Variants in RALYL observed in about 807,000 individuals in gnomAD.
RALYL encodes RALY RNA binding protein like.
RALYL carries 29 observed loss-of-function variants against 35.1 expected under a neutral mutation model. That is an observed-to-expected ratio of 0.83 (90% CI 0.61 to 1.13). The LOEUF is 1.13. RALYL is among the 50% of genes most tolerant of loss of function. The pLI, the probability that RALYL is intolerant of heterozygous loss-of-function variation, is 0.00. For missense variants in RALYL, 359 were observed against 360.4 expected (o/e 1.00, Z 0.03); for synonymous variants, 120 against 127.6 (o/e 0.94, Z 0.40).
intron 2 of RALYL, among the ~76,000 whole-genome samples, chr8:84,699,056 A>G (rs987599670): frequency 6.7e-6 from 1 of 149,702 alleles, no homozygotes; most frequent in Non-Finnish European, 1.5e-5. Context: ...ATAGATAGAT[A>G]GGATAAATAG....
chr8:84,557,484 A>C (rs2061207762), intron 2 of RALYL, among the ~76,000 whole-genome samples: 1 of 152,212 alleles, frequency 6.6e-6, no homozygotes, highest in South Asian at 2.1e-4. Flanking sequence ...CTTTTATATC[A>C]TTGATTACTT....
At chr8:84,521,760 A>G (rs1763035305) in intron 1 of RALYL, among the ~76,000 whole-genome samples, 1 of 152,178 alleles carries the variant, frequency 6.6e-6, no homozygotes, top group Non-Finnish European at 1.5e-5. Context: ...TTGATTTCCA[A>G]TTTTGTAGTT....
At chr8:84,276,545 T>C (rs539699606) in intron 1 of RALYL, among the ~76,000 whole-genome samples, 2 of 152,288 alleles carry the variant, frequency 1.3e-5, no homozygotes, top group African/African-American at 2.4e-5. Flanking sequence ...AGAAGCAAAG[T>C]TGAAAATAGG....
chr8:84,619,193 G>A (rs534959451), intron 2 of RALYL, among the ~76,000 whole-genome samples: 4 of 151,682 alleles, frequency 2.6e-5, no homozygotes, highest in African/African-American at 9.8e-5. Context: ...TGACAGTGGG[G>A]TGTTAAAGTC....
intron 2 of RALYL, among the ~76,000 whole-genome samples, chr8:84,650,907 T>C (rs1432090491): frequency 6.6e-6 from 1 of 152,128 alleles, no homozygotes; most frequent in Non-Finnish European, 1.5e-5. Context: ...AATGATGAGT[T>C]CGTGTCCTTT....
intron 2 of RALYL, among the ~76,000 whole-genome samples, chr8:84,615,589 TTTTTTTTTTTTA>T (rs1819357742): frequency 6.9e-6 from 1 of 145,610 alleles, no homozygotes; most frequent in Non-Finnish European, 1.5e-5. Context: ...TTTTTTTTTT[TTTTTTTTTTTTA>T]CTTATTATTA....
At chr8:84,227,888 T>C (rs116791466) in intron 1 of RALYL, among the ~76,000 whole-genome samples, 2,691 of 152,276 alleles carry the variant, frequency 0.018, 91 homozygotes, top group African/African-American at 0.06. Flanking sequence ...ATTTATGTAT[T>C]CATTTACCAA....
chr8:84,732,768 C>T (rs901005075), intron 2 of RALYL, among the ~76,000 whole-genome samples: 1 of 151,186 alleles, frequency 6.6e-6, no homozygotes, highest in South Asian at 2.1e-4. Flanking sequence ...GCTATCTTGG[C>T]TCACTGCAGC....
At chr8:84,395,924 G>A (rs895548026) in intron 1 of RALYL, among the ~76,000 whole-genome samples, 3 of 151,842 alleles carry the variant, frequency 2.0e-5, no homozygotes, top group African/African-American at 7.2e-5. Flanking sequence ...CTTGCTTCTA[G>A]GATAAGAATG....
At chr8:84,309,512 A>G (rs893966540) in intron 1 of RALYL, among the ~76,000 whole-genome samples, 1 of 152,086 alleles carries the variant, frequency 6.6e-6, no homozygotes, top group Admixed American at 6.5e-5. Context: ...AAAATAAAAC[A>G]TTGTAGTAAT....
chr8:84,710,516 G>T (rs1267341989), intron 2 of RALYL, among the ~76,000 whole-genome samples: 2 of 150,032 alleles, frequency 1.3e-5, no homozygotes, highest in Non-Finnish European at 2.9e-5. Flanking sequence ...TGCCCAGGCT[G>T]GTCTTGAACT....
chr8:84,890,307 G>A (rs1006285583), intron 8 of RALYL, among the ~76,000 whole-genome samples: 3 of 152,158 alleles, frequency 2.0e-5, no homozygotes, highest in Non-Finnish European at 4.4e-5. Context: ...GAGTTTGAGG[G>A]AGTTCAAGCA....
intron 2 of RALYL, among the ~76,000 whole-genome samples, chr8:84,559,439 AT>A (rs1450563514): frequency 3.3e-5 from 5 of 152,016 alleles, no homozygotes; most frequent in Non-Finnish European, 7.4e-5. Context: ...TTGTTTATAT[AT>A]TTTTTAATTT....
chr8:84,369,644 C>A (rs1291473809), intron 1 of RALYL, among the ~76,000 whole-genome samples: 3 of 152,038 alleles, frequency 2.0e-5, no homozygotes, highest in Non-Finnish European at 4.4e-5. Context: ...AACTTAAAAA[C>A]AACCCAGCAT....
chr8:84,898,474 C>T (rs1285369857), intron 8 of RALYL, among the ~76,000 whole-genome samples: 1 of 152,160 alleles, frequency 6.6e-6, no homozygotes, highest in African/African-American at 2.4e-5. Flanking sequence ...GCAGCCAAGG[C>T]TGAGAACCAC....
At chr8:84,719,924 C>G (rs1443914915) in intron 2 of RALYL, among the ~76,000 whole-genome samples, 1 of 152,116 alleles carries the variant, frequency 6.6e-6, no homozygotes, top group Non-Finnish European at 1.5e-5. Flanking sequence ...ACCCCAGCCC[C>G]TTTCCACTCT....
intron 2 of RALYL, among the ~76,000 whole-genome samples, chr8:84,697,564 A>G (rs1328740061): frequency 1.3e-5 from 2 of 152,078 alleles, no homozygotes; most frequent in African/African-American, 4.8e-5. Flanking sequence ...GAATATCTTT[A>G]GAATCACAAT....
chr8:84,235,258 C>A (rs1478639655), intron 1 of RALYL, among the ~76,000 whole-genome samples: 5 of 152,002 alleles, frequency 3.3e-5, no homozygotes, highest in Non-Finnish European at 5.9e-5. Context: ...TAGCAAAATA[C>A]ACAAATATTC....
intron 8 of RALYL, among the ~76,000 whole-genome samples, chr8:84,903,334 A>G (rs1481102210): frequency 6.6e-6 from 1 of 152,202 alleles, no homozygotes; most frequent in African/African-American, 2.4e-5. Context: ...TCTTATTTAA[A>G]GAGAAGGGTT....
Sources: allele counts gnomAD v4.1 joint callset (sites outside exome capture counted in the v4.1 genomes callset), GRCh38; gene constraint gnomAD v4.1.1; transcripts MANE v1.5; gene names NCBI Gene and HGNC (gene_info 2026-07-23, HGNC 2026-07-21).